Variants in KLHL21 observed in about 807,000 individuals in gnomAD.
KLHL21 encodes the protein kelch like family member 21, also known as kelch-like protein 21.
A neutral mutation model predicts 44.1 loss-of-function variants in KLHL21; 42 were observed. The ratio of observed to expected loss-of-function variants is 0.95; its 90% confidence interval spans 0.74 to 1.23. The LOEUF (loss-of-function observed/expected upper bound fraction) is 1.23, where lower values mean the gene tolerates loss of function less well. KLHL21 is among the 50% of genes most tolerant of loss of function. KLHL21 has a pLI of 0.00. For synonymous variants in KLHL21, 524 were observed against 411.6 expected (o/e 1.27, Z -3.31); for missense variants, 918 against 889.1 (o/e 1.03, Z -0.41).
At position 6,593,470 on chromosome 1, in the gene KLHL21, C is replaced by T; in HGVS notation, c.1689G>A (p.Met563Ile). Residue 563 changes from methionine to isoleucine, a missense_variant, in exon 4 of 4, where the codon ATG becomes ATA. Physicochemically the swap from Met to Ile is conservative, Grantham distance 10 (BLOSUM62 1). Transcript: ENST00000377658. ...HGSVSIFRQF[M>I]PQTFSGGRGF... ...CACGCCCACCCGAGAAGGTCTGGGG[C>T]ATGAACTGGCGGAAGATGCTGACAC... 1 of 1,613,848 alleles carries T rather than the reference C, an allele frequency of 6.2e-7. No individual in the cohort carries two copies. The highest frequency in any genetic ancestry group is 8.5e-7 in the Non-Finnish European group (1 of 1,180,022).
intron 3 of KLHL21, chr1:6,595,201 G>T: frequency 1.7e-6 from 1 of 587,582 alleles, no homozygotes; most frequent in Non-Finnish European, 3.0e-6. Context: ...GTCCCCAGAT[G>T]ACTGTATGCC....
At chr1:6,595,206 T>C (rs1032275175) in intron 3 of KLHL21, 14 of 599,674 alleles carry the variant, frequency 2.3e-5, no homozygotes, top group Non-Finnish European at 3.6e-5. Context: ...CAGATGACTG[T>C]ATGCCTTGCT....
chr1:6,602,224 G>A lies in KLHL21; in HGVS notation c.594C>T (p.Ala198=). 2 of 1,522,966 alleles carry A rather than the reference G, an allele frequency of 1.3e-6. No homozygotes were observed. 94.3% of individuals were successfully genotyped at this position (1,522,966 alleles called of 1,614,324 possible). The change falls in exon 1 of 4, where the codon GCC becomes GCT. Residue 198 remains alanine (A), a synonymous_variant. Transcript: ENST00000377658. ...DGLCVPKEEA[A]YQLALRWVRA... is the part of the protein sequence containing the mutation. ...GGACCCAGCGCAGCGCCAGCTGGTA[G>A]GCGGCCTCCTCCTTGGGCACACACA...
At chr1:6,601,186 A>C (rs1187547440) in intron 1 of KLHL21, among the ~76,000 whole-genome samples, 2 of 152,248 alleles carry the variant, frequency 1.3e-5, no homozygotes, top group African/African-American at 2.4e-5. Context: ...GGACCCGCCT[A>C]CCATGACTCG....
intron 2 of KLHL21, among the ~76,000 whole-genome samples, chr1:6,598,468 G>C (rs749052878): frequency 6.6e-6 from 1 of 152,096 alleles, no homozygotes; most frequent in Non-Finnish European, 1.5e-5. Context: ...TACTTGGCAG[G>C]CTGAGGCAGG....
rs759562196 is a variant in KLHL21 at position 6,593,582 on chromosome 1, A to C, written c.1577T>G (p.Leu526Arg). 6.2e-7 allele frequency: 1 copy of C among 1,613,612 alleles called. No homozygotes were observed. The highest frequency in any genetic ancestry group is 8.5e-7 in the Non-Finnish European group (1 of 1,179,820). The change falls in exon 4 of 4, where the codon CTC becomes CGC. Residue 526 changes from leucine (L) to arginine (R), a missense_variant. By Grantham distance (102) the Leu-to-Arg change is moderately radical. Coordinates refer to ENST00000377658, the MANE Select transcript of KLHL21 (RefSeq NM_014851.4). ...VSGGYDNTFE[L>R]SDVVEAYDPE... The stretch of plus-strand genomic sequence containing the variant: ...GTCATAGGCCTCTACCACGTCCGAG[A>C]GTTCAAATGTATTGTCGTATCCCCC...
Position 6,592,069 on chromosome 1 carries a change from G to A in KLHL21, c.*1296C>T, listed in dbSNP as rs1178947550. 1 of 152,322 alleles carries A rather than the reference G, an allele frequency of 6.6e-6. No individual in the cohort carries two copies. The highest frequency in any genetic ancestry group is 1.5e-5 in the Non-Finnish European group (1 of 68,096). The allele number at this position is 152,322 out of a possible 1,614,324, so 9.4% of individuals were successfully genotyped here. A position where few individuals can be genotyped will look rare whatever the true frequency, so the allele number is the denominator to read the frequency against. ...GGGCTCTTGAGGAGCACGAGGGAGA[G>A]GCCAGGCAGCCCTGTCAGGGGTCCT... On this transcript the variant is annotated 3_prime_UTR_variant, in exon 4 of 4. Transcript: ENST00000377658.
At chr1:6,601,672 C>A (rs12028517) in intron 1 of KLHL21, 125 bp downstream of exon 1, 459,517 of 1,387,206 alleles carry the variant, frequency 0.33, 78,325 homozygotes, top group South Asian at 0.46. Context: ...GTCACCAGAG[C>A]CCCAGCTTGG....
chr1:6,597,996 G>A (rs1388414580), intron 2 of KLHL21, among the ~76,000 whole-genome samples: 1 of 152,232 alleles, frequency 6.6e-6, no homozygotes, highest in Non-Finnish European at 1.5e-5. Context: ...TGACCCGCAG[G>A]CTGCCTGTCT....
intron 2 of KLHL21, among the ~76,000 whole-genome samples, chr1:6,598,598 A>AG (rs1325297647): frequency 6.6e-6 from 1 of 151,822 alleles, no homozygotes; most frequent in Non-Finnish European, 1.5e-5. Context: ...ACAAAAAAAA[A>AG]CAGACCGGGT....
chr1:6,599,191 C>G lies in KLHL21; in HGVS notation c.1283G>C (p.Gly428Ala), dbSNP rs1456181445. The G allele has an allele frequency of 1.2e-6, 2 of 1,614,030 alleles. No homozygotes were observed. The highest frequency in any genetic ancestry group is 2.7e-5 in the African/African-American group (2 of 74,938). ...TACRGRLYAI[G>A]SLAGKETMVM... ...CATGGTCTCCTTGCCAGCCAGGGAG[C>G]CGATGGCATAGAGCCGGCCACGGCA... The change falls in exon 2 of 4, where the codon GGC becomes GCC. Residue 428 changes from glycine (G) to alanine (A), a missense_variant. By Grantham distance (60) the Gly-to-Ala change is moderately conservative. Coordinates refer to ENST00000377658, the MANE Select transcript of KLHL21 (RefSeq NM_014851.4).
intron 1 of KLHL21, 155 bp from the exon 2 acceptor site, chr1:6,599,607 C>A: frequency 1.3e-6 from 1 of 765,304 alleles, no homozygotes; most frequent in Non-Finnish European, 2.0e-6. Context: ...GCCCAGGCCA[C>A]ATGTTGTGGC....
At position 6,593,231 on chromosome 1, in the gene KLHL21, T is replaced by G; in HGVS notation, c.*134A>C. 2.1e-6 allele frequency: 2 copies of G among 950,314 alleles called. No homozygotes were observed. Among genetic ancestry groups the G allele is most frequent in the Non-Finnish European group, 3.1e-6 (2 of 653,630 alleles). 58.9% of individuals were successfully genotyped at this position (950,314 alleles called of 1,614,324 possible). A position where few individuals can be genotyped will look rare whatever the true frequency, so the allele number is the denominator to read the frequency against. On this transcript the variant is annotated 3_prime_UTR_variant, in exon 4 of 4. Coordinates refer to ENST00000377658, the MANE Select transcript of KLHL21 (RefSeq NM_014851.4). The stretch of plus-strand genomic sequence containing the variant: ...CAGAAACCTTCCAGGTAATGGATCC[T>G]GGGCTGGCTTCGCCACCCAAGAGCC...
In KLHL21 at chr1:6,599,223, G is replaced by C. The variant is rs776508686; in HGVS notation, c.1251C>G (p.Thr417=). ...CATAGAGCCGGCCACGGCACGCAGT[G>C]GTGGAGCAGTTGTCCATGGGGTAGG... ...PMTYPMDNCS[T]TACRGRLYAI... Residue 417 remains threonine (T), a synonymous_variant, in exon 2 of 4, where the codon ACC becomes ACG. Transcript: ENST00000377658. The C allele has an allele frequency of 1.2e-6, 2 of 1,614,100 alleles. No homozygotes were observed. Among genetic ancestry groups the C allele is most frequent in the Non-Finnish European group, 1.7e-6 (2 of 1,180,024 alleles).
chr1:6,599,228 A>T lies in KLHL21; in HGVS notation c.1246T>A (p.Ser416Thr). 6.2e-7 allele frequency: 1 copy of T among 1,614,086 alleles called. No individual in the cohort carries two copies. The highest frequency in any genetic ancestry group is 1.3e-5 in the African/African-American group (1 of 75,036). ...AGCCGGCCACGGCACGCAGTGGTGG[A>T]GCAGTTGTCCATGGGGTAGGTCATG... Reference protein sequence around the residue: ...QPMTYPMDNCSTTACRGRLYA... With the variant: ...QPMTYPMDNCTTTACRGRLYA... The change falls in exon 2 of 4, where the codon TCC becomes ACC. Residue 416 changes from serine to threonine, a missense_variant. Ser to Thr is a moderately conservative substitution (Grantham distance 58). Coordinates refer to ENST00000377658, the MANE Select transcript of KLHL21 (RefSeq NM_014851.4).
intron 3 of KLHL21, chr1:6,593,979 G>A: frequency 8.9e-7 from 1 of 1,129,596 alleles, no homozygotes. Context: ...GCTGAGCAGT[G>A]CTGTTCTCCC....
Position 6,602,696 on chromosome 1 carries a change from G to T in KLHL21, c.122C>A (p.Ala41Glu). ...CGCCGGGAAGTCGCGCCCGCCCGCC[G>T]CCTCCAGGGTCACGTCCAGGAACTT... ...ERKFLDVTLE[A>E]AGGRDFPAHR... is the part of the protein sequence containing the mutation. Residue 41 changes from alanine to glutamate, a missense_variant, in exon 1 of 4, where the codon GCG (alanine) becomes GAG (glutamate). Transcript: ENST00000377658. 6.6e-7 allele frequency: 1 copy of T among 1,513,156 alleles called. No homozygotes were observed. 93.7% of individuals were successfully genotyped at this position (1,513,156 alleles called of 1,614,324 possible). A position where few individuals can be genotyped will look rare whatever the true frequency, so the allele number is the denominator to read the frequency against.
rs974957632 is a variant in KLHL21, at chr1:6,591,903, G to A, written c.*1462C>T. On this transcript the variant is annotated 3_prime_UTR_variant, in exon 4 of 4. Coordinates refer to ENST00000377658, the MANE Select transcript of KLHL21 (RefSeq NM_014851.4). ...TGGACAGTGCTGGGCCCCCATCCTC[G>A]GCCTTCCCAGCACAGCAGGTGCTGG... The A allele has an allele frequency of 1.3e-5, 2 of 152,284 alleles. No individual in the cohort carries two copies. Among genetic ancestry groups the A allele is most frequent in the African/African-American group, 2.4e-5 (1 of 41,450 alleles). 9.4% of individuals were successfully genotyped at this position (152,284 alleles called of 1,614,324 possible).
chr1:6,600,907 C>T (rs1641006943), intron 1 of KLHL21, among the ~76,000 whole-genome samples: 1 of 152,220 alleles, frequency 6.6e-6, no homozygotes, highest in Non-Finnish European at 1.5e-5. Context: ...GCAACTGTCC[C>T]ACCTGACACC....
Sources: gnomAD v4.1 joint callset for allele counts (sites outside exome capture counted in the v4.1 genomes callset) on GRCh38, gnomAD v4.1.1 for gene constraint, MANE v1.5 for transcripts, NCBI Gene and HGNC (gene_info 2026-07-23, HGNC 2026-07-21) for gene names.